Variants in ARHGAP22 observed in about 807,000 individuals in gnomAD.
ARHGAP22 encodes rho GTPase-activating protein 22.
Under a neutral mutation model 59.1 loss-of-function variants are expected in ARHGAP22, and 48 were observed. That is an observed-to-expected ratio of 0.81 (90% CI 0.64 to 1.03). The LOEUF (loss-of-function observed/expected upper bound fraction) is 1.03. Among genes scored for constraint, ARHGAP22 ranks in the 50% least tolerant of loss-of-function variants. The pLI is 0.00. For missense variants in ARHGAP22, 1,015 were observed against 958.7 expected (o/e 1.06, Z -0.78); for synonymous variants, 445 against 416.4 (o/e 1.07, Z -0.84).
intron 8 of ARHGAP22, chr10:48,451,739 T>C (rs2133609622): frequency 3.5e-6 from 2 of 572,952 alleles, no homozygotes; most frequent in Middle Eastern, 4.6e-4. Context: ...AACTGGACAA[T>C]GCACCCACCC....
chr10:48,495,411 GA>G (rs1459321165), intron 3 of ARHGAP22, among the ~76,000 whole-genome samples: 2 of 152,242 alleles, frequency 1.3e-5, no homozygotes, highest in Admixed American at 1.3e-4. Flanking sequence ...AGAGGCTACA[GA>G]AGGTTGAATA....
chr10:48,561,002 C>T (rs2057652755), intron 2 of ARHGAP22, among the ~76,000 whole-genome samples: 1 of 151,972 alleles, frequency 6.6e-6, no homozygotes, highest in South Asian at 2.1e-4. Context: ...AGGGGTAATG[C>T]TAACCTCATA....
In ARHGAP22 at chr10:48,450,679, C is replaced by T; in HGVS notation, c.1450G>A (p.Gly484Ser). ...ASSGDRLKDS[G>S]SVQRLSTYDN... is the part of the protein sequence containing the mutation. ...TAGGTGGAGAGTCTCTGCACGGAGC[C>T]CGAGTCCTTGAGCCGGTCTCCCGAC... The change falls in exon 9 of 10, where the codon GGC becomes AGC. Residue 484 changes from glycine to serine, a missense_variant. Coordinates refer to ENST00000249601, the MANE Select transcript of ARHGAP22 (RefSeq NM_021226.4). 2 of 1,550,940 alleles carry T rather than the reference C, an allele frequency of 1.3e-6. No homozygotes were observed. The highest frequency in any genetic ancestry group is 1.7e-6 in the Non-Finnish European group (2 of 1,147,356).
intron 9 of ARHGAP22, among the ~76,000 whole-genome samples, chr10:48,449,424 A>T (rs982851531): frequency 6.6e-6 from 1 of 152,220 alleles, no homozygotes; most frequent in African/African-American, 2.4e-5. Flanking sequence ...GCAGAGCAAA[A>T]GGGCAAGGGC....
chr10:48,479,496 G>A lies in ARHGAP22; in HGVS notation c.451+140C>T, dbSNP rs1036630328. The A allele has an allele frequency of 2.0e-6, 3 of 1,489,198 alleles. No individual in the cohort carries two copies. In the African/African-American group the frequency reaches 4.1e-5, roughly 21 times the overall value. 92.2% of individuals were successfully genotyped at this position (1,489,198 alleles called of 1,614,324 possible). A position where few individuals can be genotyped will look rare whatever the true frequency, so the allele number is the denominator to read the frequency against. Reference sequence around the variant, plus strand: ...GACTCCCGAGGGCTGGCAGTGGAAGGGCCAGCCTGCTGTGAGAAGCACAGG... The same window carrying A: ...GACTCCCGAGGGCTGGCAGTGGAAGAGCCAGCCTGCTGTGAGAAGCACAGG... On this transcript the variant is annotated intron_variant, in intron 4 of 9. Transcript: ENST00000249601.
At chr10:48,442,932 T>C (rs1334038035), downstream of ARHGAP22, among the ~76,000 whole-genome samples, 1 of 152,158 alleles carries the variant, frequency 6.6e-6, no homozygotes, top group Non-Finnish European at 1.5e-5. Flanking sequence ...GAGATTTAGC[T>C]GTCTTGGAGT....
chr10:48,604,917 G>A lies in ARHGAP22; in HGVS notation c.-121C>T, dbSNP rs974100643. ...CTCGTTCGGGGCCCCGTGGCCGCTG[G>A]CGTCACCCGTCAGGCTCCCTCGGCT... is the stretch of plus-strand genomic sequence containing the variant. On this transcript the variant is annotated 5_prime_UTR_variant, in exon 1 of 10. Transcript: ENST00000249601. 4.4e-5 allele frequency: 70 copies of A among 1,573,794 alleles called. No individual in the cohort carries two copies. Among genetic ancestry groups the A allele is most frequent in the Non-Finnish European group, 5.8e-5 (68 of 1,163,224 alleles).
At chr10:48,517,819 G>C (rs1226743439) in intron 3 of ARHGAP22, among the ~76,000 whole-genome samples, 1 of 152,190 alleles carries the variant, frequency 6.6e-6, no homozygotes, top group Non-Finnish European at 1.5e-5. Flanking sequence ...CAAAGTTCAA[G>C]CCACCAGTGA....
chr10:48,598,922 C>G (rs538581200), intron 1 of ARHGAP22, among the ~76,000 whole-genome samples: 1 of 152,318 alleles, frequency 6.6e-6, no homozygotes, highest in South Asian at 2.1e-4. Flanking sequence ...TGTTCAGAAG[C>G]CTTTGGGTTC....
intron 1 of ARHGAP22, among the ~76,000 whole-genome samples, chr10:48,620,455 G>A (rs945740826): frequency 2.6e-5 from 4 of 152,148 alleles, no homozygotes; most frequent in African/African-American, 9.7e-5. Context: ...CATATCTTCT[G>A]GCTCTTTATC....
At chr10:48,435,000 G>A in the ARHGAP22 span, 2 of 1,581,648 alleles carry the variant, frequency 1.3e-6, no homozygotes, top group East Asian at 4.8e-5. Context: ...TCTAGAAGCA[G>A]CAGCTGGGCC....
chr10:48,581,560 A>T (rs926078017), intron 2 of ARHGAP22, among the ~76,000 whole-genome samples: 1 of 152,120 alleles, frequency 6.6e-6, no homozygotes, highest in East Asian at 1.9e-4. Context: ...ATCCACCTTC[A>T]TGATTTTTGT....
At chr10:48,467,364 A>G (rs1397077603) in intron 4 of ARHGAP22, among the ~76,000 whole-genome samples, 1 of 152,080 alleles carries the variant, frequency 6.6e-6, no homozygotes, top group East Asian at 1.9e-4. Context: ...GAATGGGTAC[A>G]CCAGGAAGGC....
At chr10:48,611,703 T>G (rs2060890723) in intron 1 of ARHGAP22, among the ~76,000 whole-genome samples, 1 of 151,950 alleles carries the variant, frequency 6.6e-6, no homozygotes, top group African/African-American at 2.4e-5. Flanking sequence ...TGCTCACACC[T>G]CTCACCACAG....
chr10:48,549,078 T>C (rs961324369), intron 3 of ARHGAP22, among the ~76,000 whole-genome samples: 2 of 152,246 alleles, frequency 1.3e-5, no homozygotes, highest in Non-Finnish European at 2.9e-5. Flanking sequence ...CTCAGCTTCA[T>C]TCCTTAGAAG....
At chr10:48,639,776 A>G (rs557170636) in intron 1 of ARHGAP22, among the ~76,000 whole-genome samples, 1 of 152,350 alleles carries the variant, frequency 6.6e-6, no homozygotes, top group Non-Finnish European at 1.5e-5. Flanking sequence ...AAAATATGTT[A>G]TCTAAAATGC....
At chr10:48,639,058 G>A (rs948354848) in intron 1 of ARHGAP22, among the ~76,000 whole-genome samples, 4 of 152,220 alleles carry the variant, frequency 2.6e-5, no homozygotes, top group Admixed American at 1.3e-4. Flanking sequence ...AGAACAGAAT[G>A]AGTCTGCTTT....
At chr10:48,558,432 G>A (rs945571842) in intron 2 of ARHGAP22, among the ~76,000 whole-genome samples, 1 of 151,184 alleles carries the variant, frequency 6.6e-6, no homozygotes. Context: ...TTGCGATCAT[G>A]GCTTACTGCA....
At chr10:48,490,029 G>A (rs562781170) in intron 3 of ARHGAP22, among the ~76,000 whole-genome samples, 8 of 152,208 alleles carry the variant, frequency 5.3e-5, no homozygotes, top group East Asian at 1.9e-4. Flanking sequence ...CACCACGCCC[G>A]GCCCAGAGGC....
Sources: allele counts gnomAD v4.1 joint callset (sites outside exome capture counted in the v4.1 genomes callset), GRCh38; gene constraint gnomAD v4.1.1; transcripts MANE v1.5; gene names NCBI Gene and HGNC (gene_info 2026-07-23, HGNC 2026-07-21).